ZNF420: variants seen among roughly 807,000 people sequenced by gnomAD.
ZNF420 encodes zinc finger protein 420, also known as ATM and p53-associated KZNF protein.
ZNF420 carries 31 observed loss-of-function variants against 44.7 expected under a neutral mutation model. The observed-to-expected ratio is 0.69, with a 90% CI of 0.52 to 0.94. The LOEUF is 0.94. ZNF420 is among the 40% of genes least tolerant of loss of function. The pLI is 0.00. For missense variants in ZNF420, 681 were observed against 827.9 expected, an observed-to-expected ratio of 0.82 and a Z score of 2.18; for synonymous variants, 245 against 267.4, an observed-to-expected ratio of 0.92 and a Z score of 0.82.
At chr19:37,037,450 C>G (rs1180126072) in intron 1 of ZNF420, among the ~76,000 whole-genome samples, 1 of 152,190 alleles carries the variant, frequency 6.6e-6, no homozygotes, top group Admixed American at 6.5e-5. Flanking sequence ...GCAGGCTTCC[C>G]CTGTGCTGCC....
At chr19:37,115,361 G>A (rs1290348040) in intron 4 of ZNF420, among the ~76,000 whole-genome samples, 5 of 152,116 alleles carry the variant, frequency 3.3e-5, no homozygotes, top group African/African-American at 9.7e-5. Flanking sequence ...TGGTCTCTGA[G>A]TTCTCTCAGT....
chr19:37,104,121 T>C (rs576981229), intron 4 of ZNF420, among the ~76,000 whole-genome samples: 85 of 151,818 alleles, frequency 5.6e-4, no homozygotes, highest in African/African-American at 1.4e-3. Context: ...CTAATGCTAT[T>C]CCTCCCCCCT....
At chr19:37,036,183 C>T (rs1214724975) in intron 1 of ZNF420, among the ~76,000 whole-genome samples, 2 of 152,106 alleles carry the variant, frequency 1.3e-5, no homozygotes, top group East Asian at 1.9e-4. Flanking sequence ...AGTAGCATGA[C>T]GATCGTTAAC....
At chr19:37,092,006 AG>A (rs1969179850) in intron 4 of ZNF420, 1 of 151,818 alleles carries the variant, frequency 6.6e-6, no homozygotes, top group Non-Finnish European at 1.5e-5. Flanking sequence ...AAAATAGTTG[AG>A]GGGGAACCTG....
chr19:37,094,468 T>C (rs1222331976), intron 4 of ZNF420, among the ~76,000 whole-genome samples: 5 of 152,204 alleles, frequency 3.3e-5, no homozygotes, highest in Non-Finnish European at 7.3e-5. Context: ...TTTTATAGTT[T>C]TTATTGATTG....
At chr19:37,029,251 A>G (rs1967207936) in intron 1 of ZNF420, among the ~76,000 whole-genome samples, 1 of 152,226 alleles carries the variant, frequency 6.6e-6, no homozygotes, top group South Asian at 2.1e-4. Flanking sequence ...AAGGGCGATC[A>G]GAAGTCCTGT....
At chr19:37,100,414 T>C (rs1196049543) in intron 4 of ZNF420, among the ~76,000 whole-genome samples, 1 of 152,122 alleles carries the variant, frequency 6.6e-6, no homozygotes, top group African/African-American at 2.4e-5. Flanking sequence ...GTTCTTTTTG[T>C]ACAAGATTGC....
rs147108138 is a variant in ZNF420 at position 37,038,267 on chromosome 19, C to T, written c.-125+30185C>T. 2.4e-3 allele frequency among the ~76,000 whole-genome samples: 365 copies of T among 152,332 alleles called. 1 individual carries two copies. Among genetic ancestry groups the T allele is most frequent in the South Asian group, 4.8e-3 (23 of 4,832 alleles). ...TGCTAACCATCATCTGGTCCTTCAT[C>T]AAGTCGTAATCATTTTGCTGGTGCA... is the stretch of plus-strand genomic sequence containing the variant. On this transcript the variant is annotated intron_variant, in intron 1 of 4. Coordinates refer to the ZNF420 transcript ENST00000587029.
Position 37,129,119 on chromosome 19 carries a change from C to A in ZNF420, c.*61C>A. On this transcript the variant is annotated 3_prime_UTR_variant, in exon 5 of 5. Coordinates refer to ENST00000337995, the MANE Select transcript of ZNF420 (RefSeq NM_144689.5). The stretch of plus-strand genomic sequence containing the variant: ...CTCTGGTTGTTAGCAGCAAAGAATT[C>A]TCACAAATGTGAATATGGGCGCACA... The A allele has an allele frequency of 6.5e-7, 1 of 1,546,224 alleles. No individual in the cohort carries two copies. Among genetic ancestry groups the A allele is most frequent in the South Asian group, 1.3e-5 (1 of 79,350 alleles).
chr19:37,020,560 C>T (rs2074641004), intron 1 of ZNF420, among the ~76,000 whole-genome samples: 1 of 152,218 alleles, frequency 6.6e-6, no homozygotes, highest in Admixed American at 6.5e-5. Context: ...GGTCAAGCTG[C>T]TTTTCGTGTT....
intron 4 of ZNF420, among the ~76,000 whole-genome samples, chr19:37,120,747 CCTT>C (rs1239337931): frequency 3.3e-5 from 5 of 152,178 alleles, no homozygotes; most frequent in Non-Finnish European, 7.3e-5. Context: ...CCCAAAATCT[CCTT>C]AAGCTGATAA....
intron 1 of ZNF420, among the ~76,000 whole-genome samples, chr19:37,046,581 A>G (rs758603010): frequency 6.6e-6 from 1 of 152,214 alleles, no homozygotes; most frequent in Non-Finnish European, 1.5e-5. Flanking sequence ...AATTCAGGGT[A>G]GTAGTTACCG....
At chr19:37,085,955 T>C (rs1321288806) in intron 2 of ZNF420, among the ~76,000 whole-genome samples, 2 of 146,638 alleles carry the variant, frequency 1.4e-5, no homozygotes, top group South Asian at 4.3e-4. Context: ...ATTATTATTA[T>C]TATTATTATT....
chr19:37,079,637 T>G (rs1968321201), intron 1 of ZNF420, among the ~76,000 whole-genome samples: 1 of 152,094 alleles, frequency 6.6e-6, no homozygotes, highest in African/African-American at 2.4e-5. Flanking sequence ...AAGTCAGACA[T>G]TTGGACACCT....
intron 1 of ZNF420, chr19:37,025,363 CTGT>C (rs144968691): frequency 0.16 from 26,952 of 168,714 alleles, 2,347 homozygotes; most frequent in African/African-American, 0.23. Flanking sequence ...TTAAAGTTAA[CTGT>C]TGTTGTTTTT....
chr19:37,113,901 C>T (rs1008387078), intron 4 of ZNF420, among the ~76,000 whole-genome samples: 5 of 152,040 alleles, frequency 3.3e-5, no homozygotes, highest in Non-Finnish European at 1.5e-5. Flanking sequence ...AGGGTGAGAG[C>T]GATCATTTGG....
intron 1 of ZNF420, among the ~76,000 whole-genome samples, chr19:37,059,245 G>A (rs551344524): frequency 6.7e-6 from 1 of 150,148 alleles, no homozygotes; most frequent in South Asian, 2.1e-4. Context: ...ACTGGACCCC[G>A]GATCCAGCCG....
chr19:37,112,464 C>T (rs1012604619), intron 4 of ZNF420, among the ~76,000 whole-genome samples: 55 of 152,256 alleles, frequency 3.6e-4, no homozygotes, highest in African/African-American at 1.2e-3. Context: ...GCAGTGCCTA[C>T]GCCGACAAGT....
chr19:37,112,347 G>T (rs1198338641), intron 4 of ZNF420, among the ~76,000 whole-genome samples: 1 of 151,908 alleles, frequency 6.6e-6, no homozygotes, highest in Non-Finnish European at 1.5e-5. Context: ...AATAAATCTC[G>T]ACCCCACAGA....
Sources: gnomAD v4.1 joint callset for allele counts (sites outside exome capture counted in the v4.1 genomes callset) on GRCh38, gnomAD v4.1.1 for gene constraint, MANE v1.5 for transcripts, NCBI Gene and HGNC (gene_info 2026-07-23, HGNC 2026-07-21) for gene names.